The following NOP2 variants were observed in gnomAD, a reference collection of about 807,000 sequenced individuals.
NOP2 encodes 28S rRNA (cytosine(4447)-C(5))-methyltransferase.
NOP2 carries 7 observed loss-of-function variants against 72.7 expected under a neutral mutation model. That is an observed-to-expected ratio of 0.10 (90% confidence interval 0.05 to 0.18). The LOEUF (loss-of-function observed/expected upper bound fraction) is 0.18, where lower values mean the gene tolerates loss of function less well. NOP2 is among the 10% of genes least tolerant of loss of function. The pLI, the probability that NOP2 is intolerant of heterozygous loss-of-function variation, is 1.00. For missense variants in NOP2, 954 were observed against 1,014.7 expected (o/e 0.94, Z 0.81); for synonymous variants, 387 against 388.0 (o/e 1.00, Z 0.03).
At chr12:6,564,143 C>T (rs1299052599) in intron 5 of NOP2, 197 bp from the exon 6 acceptor site, 1 of 1,461,976 alleles carries the variant, frequency 6.8e-7, no homozygotes, top group Non-Finnish European at 9.1e-7. Context: ...GGCATGGTGG[C>T]ACACACCTGT....
Position 6,560,668 on chromosome 12 carries a change from C to T in NOP2, c.1437+30G>A. 1 of 1,612,870 alleles carries T rather than the reference C, an allele frequency of 6.2e-7. No individual in the cohort carries two copies. The highest frequency in any genetic ancestry group is 8.5e-7 in the Non-Finnish European group (1 of 1,179,294). On this transcript the variant is annotated intron_variant, in intron 13 of 15. Coordinates refer to ENST00000322166, the MANE Select transcript of NOP2 (RefSeq NM_001258308.2). The surrounding 1 kb of genome is among the most constrained non-coding windows in gnomAD (Gnocchi z 5.0). ...CAGCTCTACGAGACCCAGCCAAGGC[C>T]TCTCAGGGGCCCACCACCTGACTCC...
chr12:6,563,331 A>T lies in NOP2; in HGVS notation c.872T>A (p.Leu291His), dbSNP rs761496508. 21 of 1,595,696 alleles carry T rather than the reference A, an allele frequency of 1.3e-5. No homozygotes were observed. In the South Asian group the frequency reaches 1.9e-4, roughly 15 times the overall value. ...ATCCAGTACCTCAGACAGAGGGAAGAGGTCCATGAGCTTGCCAAGCAGGAA... is the reference window on the plus strand; with the variant it reads ...ATCCAGTACCTCAGACAGAGGGAAGTGGTCCATGAGCTTGCCAAGCAGGAA... ...GDFLLGKLMDLFPLSELVEFL... is the reference protein window; with the variant it reads ...GDFLLGKLMDHFPLSELVEFL... Residue 291 changes from leucine (L) to histidine (H), a missense_variant, in exon 8 of 16, where the codon CTC becomes CAC. Leu to His is a moderately conservative substitution (Grantham distance 99). Coordinates refer to ENST00000322166, the MANE Select transcript of NOP2 (RefSeq NM_001258308.2).
chr12:6,561,915 T>C lies in NOP2; in HGVS notation c.1035A>G (p.Gly345=). The C allele has an allele frequency of 1.2e-6, 2 of 1,612,468 alleles. No individual in the cohort carries two copies. The highest frequency in any genetic ancestry group is 2.2e-5 in the East Asian group (1 of 44,870). The part of the protein sequence containing the change: ...LDPLGKWSKT[G]LVVYDSSVPI... ...GCACAGAAGAATCATACACCACTAG[T>C]CCAGTCTTTGACCACTTGCCCAGGG... The change falls in exon 10 of 16, where the codon GGA becomes GGG. Residue 345 remains glycine, a synonymous_variant. Transcript: ENST00000322166.
In NOP2 at chr12:6,563,330, G is replaced by C. The variant is rs753626594; in HGVS notation, c.873C>G (p.Leu291=). 3.1e-6 allele frequency: 5 copies of C among 1,595,360 alleles called. No homozygotes were observed. The highest frequency in any genetic ancestry group is 4.3e-6 in the Non-Finnish European group (5 of 1,171,114). The change falls in exon 8 of 16, where the codon CTC becomes CTG. Residue 291 remains leucine, a synonymous_variant. Transcript: ENST00000322166. ...AATCCAGTACCTCAGACAGAGGGAA[G>C]AGGTCCATGAGCTTGCCAAGCAGGA... ...GDFLLGKLMD[L]FPLSELVEFL...
chr12:6,565,188 C>CT (rs1373469480), intron 5 of NOP2, among the ~76,000 whole-genome samples: 1 of 145,562 alleles, frequency 6.9e-6, no homozygotes, highest in Non-Finnish European at 1.5e-5. Context: ...CAGTCTCACT[C>CT]TGTCACCCAA....
Position 6,568,032 on chromosome 12 carries a change from C to CCTCA in NOP2, c.-4-111_-4-110insTGAG, listed in dbSNP as rs1947831813. On this transcript the variant is annotated intron_variant, in intron 1 of 15. Transcript: ENST00000322166. The stretch of plus-strand genomic sequence containing the variant: ...AAGGGCACAGCCTCAACTCAGCACC[C>CCTCA]GCAACTCACTCAGCACTCCCGACTC... The CCTCA allele has an allele frequency of 6.7e-6, 5 of 750,568 alleles. No homozygotes were observed. The East Asian group carries it at 1.4e-4, about 21-fold the overall frequency. 46.5% of individuals were successfully genotyped at this position (750,568 alleles called of 1,614,324 possible).
intron 5 of NOP2, among the ~76,000 whole-genome samples, chr12:6,565,299 G>A (rs768663296): frequency 2.6e-5 from 4 of 151,344 alleles, no homozygotes; most frequent in African/African-American, 9.7e-5. Flanking sequence ...GACTACAGGC[G>A]TACGCCACCA....
chr12:6,565,625 C>T (rs548940184), intron 5 of NOP2, among the ~76,000 whole-genome samples: 1 of 152,174 alleles, frequency 6.6e-6, no homozygotes, highest in East Asian at 1.9e-4. Flanking sequence ...TAGGCATGAG[C>T]CACTGTGCCA....
intron 6 of NOP2, 38 bp downstream of exon 6, chr12:6,563,853 G>T (rs1947711641): frequency 2.5e-6 from 4 of 1,613,300 alleles, no homozygotes; most frequent in Non-Finnish European, 3.4e-6. Flanking sequence ...CACCCCAGTG[G>T]CTTCCTATGC....
chr12:6,563,956 G>A lies in NOP2; in HGVS notation c.475-10C>T. On this transcript the variant is annotated splice_polypyrimidine_tract_variant and intron_variant, in intron 5 of 15. Coordinates refer to ENST00000322166, the MANE Select transcript of NOP2 (RefSeq NM_001258308.2). The stretch of plus-strand genomic sequence containing the variant: ...TTTCAATGGGCAGCAACTGAAGAGA[G>A]ACAAGGGCTATTAATACAGGCCTGC... 3.1e-6 allele frequency: 5 copies of A among 1,612,672 alleles called. No individual in the cohort carries two copies. The highest frequency in any genetic ancestry group is 2.2e-5 in the East Asian group (1 of 44,870).
At chr12:6,565,009 A>C (rs1447501821) in intron 5 of NOP2, among the ~76,000 whole-genome samples, 1 of 152,046 alleles carries the variant, frequency 6.6e-6, no homozygotes, top group Non-Finnish European at 1.5e-5. Flanking sequence ...GCACATGGGG[A>C]CCTTCTCTTT....
chr12:6,568,188 C>G lies in NOP2; in HGVS notation c.-5+19G>C. 1 of 483,820 alleles carries G rather than the reference C, an allele frequency of 2.1e-6. No homozygotes were observed. Among genetic ancestry groups the G allele is most frequent in the East Asian group, 3.9e-5 (1 of 25,446 alleles). 30.0% of individuals were successfully genotyped at this position (483,820 alleles called of 1,614,324 possible). The stretch of plus-strand genomic sequence containing the variant: ...GTCAGTGCTGCCACTCTTCGTCCCC[C>G]AATTTCCTCTAGACCCACCAGAATG... On this transcript the variant is annotated intron_variant, in intron 1 of 15. Transcript: ENST00000322166.
intron 5 of NOP2, among the ~76,000 whole-genome samples, chr12:6,564,895 A>G (rs1947739454): frequency 1.3e-5 from 2 of 152,006 alleles, no homozygotes. Flanking sequence ...ACTTAAGCAT[A>G]TTGTGTATTT....
At chr12:6,559,989 G>A (rs1230229337) in intron 15 of NOP2, 109 bp downstream of exon 15, 1 of 800,474 alleles carries the variant, frequency 1.2e-6, no homozygotes, top group South Asian at 1.7e-5. Context: ...AAAGGCTGGA[G>A]TAAGGGATGC....
At position 6,560,785 on chromosome 12, in the gene NOP2, C is replaced by G. The variant is rs1314639780; in HGVS notation, c.1350G>C (p.Val450=). The G allele has an allele frequency of 8.1e-6, 13 of 1,612,680 alleles. No individual in the cohort carries two copies. Among genetic ancestry groups the G allele is most frequent in the African/African-American group, 1.3e-5 (1 of 74,870 alleles). Reference sequence around the variant, plus strand: ...GCAGTACTCGGTCAAAGCCCCCCACCACCTGGAGAAAAGATACAGATGAAT... The same window carrying G: ...GCAGTACTCGGTCAAAGCCCCCCACGACCTGGAGAAAAGATACAGATGAAT... ...SHYDGRQFPK[V]VGGFDRVLLD... is the part of the protein sequence containing the mutation. The change falls in exon 13 of 16, where the codon GTG becomes GTC. Residue 450 remains valine, a splice_region_variant and synonymous_variant. Coordinates refer to ENST00000322166, the MANE Select transcript of NOP2 (RefSeq NM_001258308.2). The surrounding 1 kb of genome is among the most constrained non-coding windows in gnomAD (Gnocchi z 5.0).
chr12:6,563,176 G>A lies in NOP2; in HGVS notation c.889-6C>T, dbSNP rs760484275. ...GCTTCTAAGAACTCCACCAGCTGCG[G>A]GGCAAGACAGCAGGGAATAAGTGAG... On this transcript the variant is annotated splice_polypyrimidine_tract_variant and splice_region_variant and intron_variant, in intron 8 of 15. Coordinates refer to ENST00000322166, the MANE Select transcript of NOP2 (RefSeq NM_001258308.2). 5 of 1,581,276 alleles carry A rather than the reference G, an allele frequency of 3.2e-6. No homozygotes were observed. In the Admixed American group the frequency reaches 9.2e-5, roughly 29 times the overall value.
intron 5 of NOP2, 77 bp from the exon 6 acceptor site, chr12:6,564,023 T>C: frequency 6.4e-7 from 1 of 1,554,752 alleles, no homozygotes; most frequent in Non-Finnish European, 8.7e-7. Context: ...CTATATCTTA[T>C]TTTTTCGCTA....
In NOP2 at chr12:6,561,657, C is replaced by T; in HGVS notation, c.1207+7G>A. Reference sequence around the variant, plus strand: ...CGATGAATCCCACCTGCCTGCCCCTCTCATACCCATGTAGCTGGTCTTTCC... The same window carrying T: ...CGATGAATCCCACCTGCCTGCCCCTTTCATACCCATGTAGCTGGTCTTTCC... On this transcript the variant is annotated splice_region_variant and intron_variant, in intron 11 of 15. Coordinates refer to ENST00000322166, the MANE Select transcript of NOP2 (RefSeq NM_001258308.2). 6.2e-7 allele frequency: 1 copy of T among 1,613,306 alleles called. No individual in the cohort carries two copies. The highest frequency in any genetic ancestry group is 8.5e-7 in the Non-Finnish European group (1 of 1,179,506).
rs777430384 is a variant in NOP2, at chr12:6,560,077, G to T, written c.1789+21C>A. On this transcript the variant is annotated intron_variant, in intron 15 of 15. Transcript: ENST00000322166. This position sits in a 1 kb window ranked among gnomAD's most constrained non-coding sequence, Gnocchi z 5.0. The stretch of plus-strand genomic sequence containing the variant: ...TGGAAAGAGCAAAGGTGGTGACGAA[G>T]GGAAGAAAAAGATTACTTACCTGTC... 1 of 1,562,806 alleles carries T rather than the reference G, an allele frequency of 6.4e-7. No individual in the cohort carries two copies. Among genetic ancestry groups the T allele is most frequent in the South Asian group, 1.1e-5 (1 of 89,998 alleles).
Sources: allele counts gnomAD v4.1 joint callset (sites outside exome capture counted in the v4.1 genomes callset), GRCh38; gene constraint gnomAD v4.1.1; non-coding constraint Gnocchi (gnomAD v3.1); transcripts MANE v1.5; gene names NCBI Gene and HGNC (gene_info 2026-07-23, HGNC 2026-07-21).